TRIM5: variants seen among roughly 807,000 people sequenced by gnomAD.
TRIM5 encodes the protein tripartite motif-containing protein 5.
Under a neutral mutation model 35.6 loss-of-function variants are expected in TRIM5, and 31 were observed. The observed-to-expected ratio is 0.87, with a 90% CI of 0.65 to 1.18. The LOEUF (loss-of-function observed/expected upper bound fraction) is 1.18, where lower values mean the gene tolerates loss of function less well. TRIM5 is among the 50% of genes most tolerant of loss of function. The pLI is 0.00. For synonymous variants in TRIM5, 243 were observed against 215.6 expected (o/e 1.13, Z -1.11); for missense variants, 609 against 591.6 (o/e 1.03, Z -0.31).
At chr11:5,629,664 T>C in the TRIM5 span, among the ~76,000 whole-genome samples, 2 of 152,208 alleles carry the variant, frequency 1.3e-5, no homozygotes, top group African/African-American at 4.8e-5. Flanking sequence ...AGATATAGCA[T>C]GCAGACAGGG....
chr11:5,591,562 C>T, the TRIM5 span, among the ~76,000 whole-genome samples: 22 of 152,168 alleles, frequency 1.4e-4, no homozygotes, highest in South Asian at 6.2e-4. Context: ...GCAGGAGAAT[C>T]GCTTGAACCT....
At chr11:5,627,106 A>G in the TRIM5 span, among the ~76,000 whole-genome samples, 279 of 152,118 alleles carry the variant, frequency 1.8e-3, 1 homozygote, top group Non-Finnish European at 3.2e-3. Flanking sequence ...GGGTGGGCAC[A>G]GTAGCTCACA....
At chr11:5,641,476 A>G in the TRIM5 span, among the ~76,000 whole-genome samples, 1 of 152,112 alleles carries the variant, frequency 6.6e-6, no homozygotes, top group Non-Finnish European at 1.5e-5. Flanking sequence ...TCACTCATTT[A>G]ATTCATCCTC....
chr11:5,670,241 G>C (rs953669833), intron 4 of TRIM5, among the ~76,000 whole-genome samples: 1 of 132,364 alleles, frequency 7.6e-6, no homozygotes, highest in Non-Finnish European at 1.5e-5. Flanking sequence ...GCAGTGGTGC[G>C]ATCTCAGCTC....
the TRIM5 span, among the ~76,000 whole-genome samples, chr11:5,597,440 T>G: frequency 6.6e-6 from 1 of 152,226 alleles, no homozygotes; most frequent in African/African-American, 2.4e-5. Context: ...AAATTAAATT[T>G]TTTGTTTTGA....
the TRIM5 span, among the ~76,000 whole-genome samples, chr11:5,630,601 T>G: frequency 6.6e-6 from 1 of 152,234 alleles, no homozygotes; most frequent in Non-Finnish European, 1.5e-5. Flanking sequence ...TGATTCCTTC[T>G]GCCTAAAATA....
chr11:5,592,933 A>AAAAAG, the TRIM5 span, among the ~76,000 whole-genome samples: 2 of 135,672 alleles, frequency 1.5e-5, no homozygotes, highest in African/African-American at 6.0e-5. Context: ...AAAAAAAAGA[A>AAAAAG]AAAAGAAAAA....
the TRIM5 span, chr11:5,619,688 A>ATTTTTTTTTTTTTTTTTTTTTTTT: frequency 1.5e-5 from 1 of 66,010 alleles, no homozygotes; most frequent in Non-Finnish European, 2.7e-5. Flanking sequence ...CCTGTTTTAA[A>ATTTTTTTTTTTTTTTTTTTTTTTT]TTTTTTTTTT....
the TRIM5 span, chr11:5,610,842 G>T: frequency 6.2e-7 from 1 of 1,614,240 alleles, no homozygotes; most frequent in Non-Finnish European, 8.5e-7. Context: ...CCGGAGACAA[G>T]TGAGGTTTGT....
chr11:5,624,392 A>G, the TRIM5 span, among the ~76,000 whole-genome samples: 40 of 152,312 alleles, frequency 2.6e-4, no homozygotes, highest in Non-Finnish European at 4.6e-4. Context: ...AACTTTTCTC[A>G]GCACCATCCA....
chr11:5,616,600 G>T, the TRIM5 span, among the ~76,000 whole-genome samples: 1 of 145,184 alleles, frequency 6.9e-6, no homozygotes, highest in Non-Finnish European at 1.5e-5. Flanking sequence ...GGCATATTCT[G>T]TGCAAGGTTT....
At chr11:5,657,600 A>T in the TRIM5 span, among the ~76,000 whole-genome samples, 1 of 85,918 alleles carries the variant, frequency 1.2e-5, no homozygotes, top group Non-Finnish European at 1.9e-5. Context: ...ATTATATATA[A>T]TATATATTTA....
In TRIM5 at chr11:5,663,456, C is replaced by G; in HGVS notation, c.*1353G>C. The G allele has an allele frequency of 1.0e-6, 1 of 985,226 alleles. No homozygotes were observed. Among genetic ancestry groups the G allele is most frequent in the Non-Finnish European group, 1.2e-6 (1 of 829,854 alleles). The allele number at this position is 985,226 out of a possible 1,614,324, so 61.0% of individuals were successfully genotyped here. ...AAATGAGAATTTAGTAAATCCAATC[C>G]TAGTTTCCCTGAAGGCACAACCTGT... On this transcript the variant is annotated 3_prime_UTR_variant, in exon 8 of 8. Transcript: ENST00000380034.
chr11:5,631,551 T>C, the TRIM5 span, among the ~76,000 whole-genome samples: 1 of 152,188 alleles, frequency 6.6e-6, no homozygotes, highest in African/African-American at 2.4e-5. Flanking sequence ...CTCCATATTG[T>C]GGTCATTGCT....
intron 2 of TRIM5, 71 bp downstream of exon 2, chr11:5,679,690 C>G: frequency 6.7e-7 from 1 of 1,488,174 alleles, no homozygotes; most frequent in Admixed American, 2.2e-5. Flanking sequence ...CAGTTAATGT[C>G]AAAGGCAAAG....
chr11:5,648,806 C>T, the TRIM5 span, among the ~76,000 whole-genome samples: 1 of 152,184 alleles, frequency 6.6e-6, no homozygotes, highest in African/African-American at 2.4e-5. Context: ...ACATGTATGA[C>T]TCCCCATGAA....
the TRIM5 span, among the ~76,000 whole-genome samples, chr11:5,601,178 G>A: frequency 1.3e-5 from 2 of 152,056 alleles, no homozygotes; most frequent in South Asian, 2.1e-4. Flanking sequence ...TCCATACTTC[G>A]AAAGCACTTG....
the TRIM5 span, among the ~76,000 whole-genome samples, chr11:5,621,621 G>C: frequency 6.6e-6 from 1 of 152,134 alleles, no homozygotes; most frequent in African/African-American, 2.4e-5. Context: ...TAGTATGAAA[G>C]GAAAATAAAT....
At chr11:5,638,728 C>T in the TRIM5 span, among the ~76,000 whole-genome samples, 1 of 152,158 alleles carries the variant, frequency 6.6e-6, no homozygotes, top group African/African-American at 2.4e-5. Flanking sequence ...TTCTTAGTTA[C>T]TGGTGCCGTT....
Sources: allele counts gnomAD v4.1 joint callset (sites outside exome capture counted in the v4.1 genomes callset), GRCh38; gene constraint gnomAD v4.1.1; transcripts MANE v1.5; gene names NCBI Gene and HGNC (gene_info 2026-07-23, HGNC 2026-07-21).